The following ZNF410 variants were observed in gnomAD, a reference collection of about 807,000 sequenced individuals.
ZNF410 encodes zinc finger protein 410.
In ZNF410, 18 loss-of-function variants were observed where a neutral mutation model predicts 54.8. The ratio of observed to expected loss-of-function variants is 0.33; its 90% CI spans 0.23 to 0.49. The LOEUF (loss-of-function observed/expected upper bound fraction) is 0.49. Among genes scored for constraint, ZNF410 ranks in the 20% least tolerant of loss-of-function variants. The probability of loss-of-function intolerance (pLI) is 0.99; values close to 1 mark genes in which losing one functional copy is unlikely to be tolerated. For synonymous variants in ZNF410, 191 were observed against 207.3 expected (o/e 0.92, Z 0.68); for missense variants, 405 against 569.6 (o/e 0.71, Z 2.94).
chr14:73,915,369 A>G (rs2055648806), intron 8 of ZNF410, among the ~76,000 whole-genome samples: 1 of 149,684 alleles, frequency 6.7e-6, no homozygotes, highest in Admixed American at 6.7e-5. Context: ...ACAAAGTCTT[A>G]CTCTGTTGCC....
At chr14:73,919,951 A>C (rs181610208) in intron 8 of ZNF410, among the ~76,000 whole-genome samples, 2 of 117,146 alleles carry the variant, frequency 1.7e-5, no homozygotes, top group Non-Finnish European at 3.3e-5. Flanking sequence ...CTTTTTAGTC[A>C]GTCTCTGTGA....
intron 4 of ZNF410, 39 bp from the exon 5 acceptor site, chr14:73,898,032 G>A (rs1273259148): frequency 6.4e-7 from 1 of 1,553,322 alleles, no homozygotes; most frequent in Admixed American, 1.8e-5. Flanking sequence ...TAAAAAGCTT[G>A]CTTGGTTTCT....
In ZNF410 at chr14:73,920,819, C is replaced by A. The variant is rs529099783; in HGVS notation, c.1004-161C>A. On this transcript the variant is annotated intron_variant, in intron 8 of 11. Transcript: ENST00000555044. Reference sequence around the variant, plus strand: ...CCTCCTGGTGTACTCTTCCTGCCTTCCCCCATATACTGAAGTTTGAGAGGC... The same window carrying A: ...CCTCCTGGTGTACTCTTCCTGCCTTACCCCATATACTGAAGTTTGAGAGGC... 3.0e-4 allele frequency: 243 copies of A among 809,906 alleles called. 1 individual carries two copies. The Middle Eastern group carries it at 4.6e-3, about 15-fold the overall frequency. 50.2% of individuals were successfully genotyped at this position (809,906 alleles called of 1,614,324 possible). A position where few individuals can be genotyped will look rare whatever the true frequency, so the allele number is the denominator to read the frequency against.
At chr14:73,900,942 T>G (rs560437291) in intron 5 of ZNF410, among the ~76,000 whole-genome samples, 2 of 152,366 alleles carry the variant, frequency 1.3e-5, no homozygotes, top group African/African-American at 4.8e-5. Flanking sequence ...GCCAAAAGAT[T>G]GGACACCCTT....
chr14:73,890,250 G>A (rs2055207995), intron 1 of ZNF410, among the ~76,000 whole-genome samples: 1 of 150,906 alleles, frequency 6.6e-6, no homozygotes, highest in African/African-American at 2.4e-5. Flanking sequence ...GTACAGTGAC[G>A]CAGTCTCAGC....
At chr14:73,887,062 G>A (rs1398720982) in intron 1 of ZNF410, 147 bp downstream of exon 1, 1 of 152,774 alleles carries the variant, frequency 6.5e-6, no homozygotes, top group African/African-American at 2.4e-5. Context: ...TGGATCTGGC[G>A]GGCCCGGGAG....
chr14:73,923,417 A>C lies in ZNF410; in HGVS notation c.1293A>C (p.Pro431=). 2 of 1,613,772 alleles carry C rather than the reference A, an allele frequency of 1.2e-6. No homozygotes were observed. The highest frequency in any genetic ancestry group is 1.7e-6 in the Non-Finnish European group (2 of 1,179,870). The change falls in exon 11 of 12, where the codon CCA becomes CCC. Residue 431 remains proline (P), a synonymous_variant. Transcript: ENST00000555044. The part of the protein sequence containing the change: ...VDDEVLAEGS[P]RSLSSVPDVT... ...CAGAGGTGCTTGCTGAAGGATCCCCACGTTCCCTGTCTTCAGTGCCTGATG... is the reference window on the plus strand; with the variant it reads ...CAGAGGTGCTTGCTGAAGGATCCCCCCGTTCCCTGTCTTCAGTGCCTGATG...
At position 73,898,256 on chromosome 14, in the gene ZNF410, A is replaced by G; in HGVS notation, c.574A>G (p.Ser192Gly). ...AQLAKNAKTS[S>G]NGENVHLGSG... is the part of the protein sequence containing the mutation. ...ACTGGCAAAGAATGCAAAAACCAGC[A>G]GCAATGGTGAGGCCCGTCGGCATTT... Residue 192 changes from serine to glycine, a missense_variant, in exon 5 of 12, where the codon AGC becomes GGC. This residue lies in a region of ZNF410 where 247 missense variants were observed against 342.8 expected (regional missense o/e 0.72). Transcript: ENST00000555044. 1.9e-6 allele frequency: 3 copies of G among 1,614,138 alleles called. No homozygotes were observed. The highest frequency in any genetic ancestry group is 2.5e-6 in the Non-Finnish European group (3 of 1,179,988).
At chr14:73,905,167 A>T in intron 7 of ZNF410, 84 bp downstream of exon 7, 1 of 1,425,232 alleles carries the variant, frequency 7.0e-7, no homozygotes, top group Non-Finnish European at 9.5e-7. Context: ...CTCAAGTGGG[A>T]ATAGAAATGA....
Position 73,909,407 on chromosome 14 carries a change from G to A in ZNF410, c.980G>A (p.Arg327Gln), listed in dbSNP as rs1006944717. ...GRSFAEYSSL[R>Q]KHLVVHSGEK... ...TCCTTTGCTGAGTATTCTAGCCTCC[G>A]AAAACATCTGGTGGTTCACTCAGGT... Residue 327 changes from arginine (R) to glutamine (Q), a missense_variant, in exon 8 of 12, where the codon CGA becomes CAA. Physicochemically the swap from Arg to Gln is conservative, Grantham distance 43. This residue lies in a region of ZNF410 where 31 missense variants were observed against 85.5 expected (regional missense o/e 0.36). Coordinates refer to ENST00000555044, the MANE Select transcript of ZNF410 (RefSeq NM_021188.3). 9 of 1,613,878 alleles carry A rather than the reference G, an allele frequency of 5.6e-6. No individual in the cohort carries two copies. The highest frequency in any genetic ancestry group is 6.8e-6 in the Non-Finnish European group (8 of 1,179,970).
chr14:73,927,103 T>TTTTA, intron 11 of ZNF410: 1 of 164,806 alleles, frequency 6.1e-6, no homozygotes, highest in Non-Finnish European at 1.3e-5. Flanking sequence ...TTTTTTTTTT[T>TTTTA]GAGGTGGAGT....
At chr14:73,915,274 A>AG (rs199555385) in intron 8 of ZNF410, among the ~76,000 whole-genome samples, 1 of 149,158 alleles carries the variant, frequency 6.7e-6, no homozygotes, top group Non-Finnish European at 1.5e-5. Flanking sequence ...AAAAAAAAAA[A>AG]GTGGTGAGAG....
rs548914917 is a variant in ZNF410, at chr14:73,931,688, T to C, written c.*147T>C. 121 of 703,490 alleles carry C rather than the reference T, an allele frequency of 1.7e-4. 1 individual carries two copies. In the East Asian group the frequency reaches 3.1e-3, roughly 18 times the overall value. The allele number at this position is 703,490 out of a possible 1,614,324, so 43.6% of individuals were successfully genotyped here. On this transcript the variant is annotated 3_prime_UTR_variant, in exon 12 of 12. Coordinates refer to ENST00000555044, the MANE Select transcript of ZNF410 (RefSeq NM_021188.3). ...TTGCCACTCTTCCTCTTTCCTGGTA[T>C]AGAAGATGGATGTAGGAGAGCTTCT...
At chr14:73,916,740 G>A (rs531810742) in intron 8 of ZNF410, 3 of 152,122 alleles carry the variant, frequency 2.0e-5, no homozygotes, top group Admixed American at 1.3e-4. Context: ...TTGGGAGGCT[G>A]AGGCGAGCAG....
chr14:73,889,263 C>G lies in ZNF410; in HGVS notation c.-150+2348C>G, dbSNP rs183824207. Among the ~76,000 whole-genome samples the G allele has an allele frequency of 3.2e-3, 490 of 152,148 alleles. 1 individual carries two copies. The highest frequency in any genetic ancestry group is 9.9e-3 in the Admixed American group (151 of 15,278). On this transcript the variant is annotated intron_variant, in intron 1 of 11. Coordinates refer to ENST00000555044, the MANE Select transcript of ZNF410 (RefSeq NM_021188.3). ...GATCACTGTTCAGTGCAGCCTCGAT[C>G]TCCTGGGCTAAAGCAATCCTCCTAC...
chr14:73,897,987 AAAAG>A (rs1342308582), intron 4 of ZNF410, 80 bp from the exon 5 acceptor site: 35 of 1,291,662 alleles, frequency 2.7e-5, no homozygotes, highest in Non-Finnish European at 2.7e-5. Flanking sequence ...AAAAAAAAAA[AAAAG>A]GGACATGGAG....
At chr14:73,892,798 A>T (rs936775303) in intron 2 of ZNF410, among the ~76,000 whole-genome samples, 1 of 152,074 alleles carries the variant, frequency 6.6e-6, no homozygotes, top group Admixed American at 6.6e-5. Context: ...ATATGCCTTA[A>T]GTTTGGGTGC....
chr14:73,893,169 A>G lies in ZNF410; in HGVS notation c.34-628A>G, dbSNP rs1330002837. ...AAAAGTGTTTTGTAAAATGTAATCA[A>G]TATGATGCAGTTGATTTTTTTTAAG... On this transcript the variant is annotated intron_variant, in intron 2 of 11. Transcript: ENST00000555044. 6 of 152,216 alleles carry G rather than the reference A, an allele frequency of 3.9e-5. No individual in the cohort carries two copies. In the South Asian group the frequency reaches 8.3e-4, roughly 21 times the overall value. 9.4% of individuals were successfully genotyped at this position (152,216 alleles called of 1,614,324 possible).
At chr14:73,923,070 G>A (rs905906958) in intron 10 of ZNF410, among the ~76,000 whole-genome samples, 1 of 152,066 alleles carries the variant, frequency 6.6e-6, no homozygotes, top group East Asian at 1.9e-4. Context: ...TATCATTGGC[G>A]ACTGCTTTTA....
Sources: gnomAD v4.1 joint callset for allele counts (sites outside exome capture counted in the v4.1 genomes callset) on GRCh38, gnomAD v4.1.1 for gene constraint, gnomAD v4.1.1 regional missense constraint, MANE v1.5 for transcripts, NCBI Gene and HGNC (gene_info 2026-07-23, HGNC 2026-07-21) for gene names.